SLC35F1: variants seen among roughly 807,000 people sequenced by gnomAD.
SLC35F1 encodes the protein solute carrier family 35 member F1, also known as chromosome 6 open reading frame 169.
Under a neutral mutation model 48.7 loss-of-function variants are expected in SLC35F1, and 14 were observed. The ratio of observed to expected loss-of-function variants is 0.29; its 90% confidence interval spans 0.19 to 0.45. The LOEUF (loss-of-function observed/expected upper bound fraction) is 0.45, where lower values mean the gene tolerates loss of function less well. Ranked by LOEUF, SLC35F1 falls within the 20% of genes least tolerant of loss-of-function variation. The pLI, the probability that SLC35F1 is intolerant of heterozygous loss-of-function variation, is 1.00. For synonymous variants in SLC35F1, 190 were observed against 202.2 expected (o/e 0.94, Z 0.51); for missense variants, 404 against 500.0 (o/e 0.81, Z 1.83).
At chr6:118,175,240 A>G (rs1351346613) in intron 2 of SLC35F1, among the ~76,000 whole-genome samples, 1 of 152,162 alleles carries the variant, frequency 6.6e-6, no homozygotes, top group African/African-American at 2.4e-5. Flanking sequence ...TCCACTTCCT[A>G]CAGACTCAAA....
chr6:118,169,976 G>A (rs1290760304), intron 2 of SLC35F1, among the ~76,000 whole-genome samples: 2 of 152,186 alleles, frequency 1.3e-5, no homozygotes, highest in South Asian at 2.1e-4. Context: ...GGAGGCCAAA[G>A]ATGTACTATG....
At chr6:117,996,662 A>G (rs923132451) in intron 1 of SLC35F1, among the ~76,000 whole-genome samples, 1 of 152,222 alleles carries the variant, frequency 6.6e-6, no homozygotes, top group Non-Finnish European at 1.5e-5. Context: ...GCTGATACCC[A>G]GGCACACAGG....
chr6:117,942,156 T>C (rs1291962201), intron 1 of SLC35F1, among the ~76,000 whole-genome samples: 2 of 152,160 alleles, frequency 1.3e-5, no homozygotes, highest in Non-Finnish European at 2.9e-5. Flanking sequence ...AGAACCTCAG[T>C]CACTTGTTTA....
At chr6:118,239,577 T>G (rs190843138) in intron 3 of SLC35F1, among the ~76,000 whole-genome samples, 19 of 152,074 alleles carry the variant, frequency 1.2e-4, no homozygotes, top group African/African-American at 4.6e-4. Flanking sequence ...TTTTTTTAAG[T>G]ATGTTTTGCC....
At chr6:118,036,534 T>C (rs150423317) in intron 1 of SLC35F1, among the ~76,000 whole-genome samples, 4 of 152,178 alleles carry the variant, frequency 2.6e-5, no homozygotes, top group Non-Finnish European at 4.4e-5. Flanking sequence ...TGGTTGATAG[T>C]GTTCTTCAGA....
intron 1 of SLC35F1, among the ~76,000 whole-genome samples, chr6:117,948,290 G>A (rs1776319918): frequency 6.6e-6 from 1 of 152,026 alleles, no homozygotes; most frequent in African/African-American, 2.4e-5. Context: ...AATTTCTTTG[G>A]ATTTGAACTG....
intron 1 of SLC35F1, among the ~76,000 whole-genome samples, chr6:118,134,055 A>G (rs1773756761): frequency 6.6e-6 from 1 of 152,254 alleles, no homozygotes; most frequent in Non-Finnish European, 1.5e-5. Context: ...TTCCCTAGAA[A>G]TTGAAACACA....
At chr6:117,913,127 C>T (rs575430727) in intron 1 of SLC35F1, among the ~76,000 whole-genome samples, 2 of 152,308 alleles carry the variant, frequency 1.3e-5, no homozygotes, top group Admixed American at 6.5e-5. Context: ...TTTAGTTTAG[C>T]TTGCTTGTTC....
intron 3 of SLC35F1, among the ~76,000 whole-genome samples, chr6:118,255,363 A>G (rs1775628679): frequency 6.6e-6 from 1 of 152,208 alleles, no homozygotes; most frequent in Non-Finnish European, 1.5e-5. Context: ...TACTTTTAGA[A>G]TCTGGTTCAC....
At chr6:118,093,432 T>C (rs562040534) in intron 1 of SLC35F1, among the ~76,000 whole-genome samples, 3 of 152,290 alleles carry the variant, frequency 2.0e-5, no homozygotes, top group East Asian at 1.9e-4. Flanking sequence ...ATAATTCCCA[T>C]GTATCTTGGG....
In SLC35F1 at chr6:118,108,866, AT is replaced by A. The variant is rs77330166; in HGVS notation, c.174-45577del. Reference sequence around the variant, plus strand: ...TATGTTATTTTCTCACACTGGGAAAATTAAACTTCTCATAAAATTAAATTGC... The same window carrying A: ...TATGTTATTTTCTCACACTGGGAAAATAAACTTCTCATAAAATTAAATTGC... On this transcript the variant is annotated intron_variant, in intron 1 of 7. Transcript: ENST00000360388. 8.6e-3 allele frequency among the ~76,000 whole-genome samples: 1,305 copies of A among 152,308 alleles called. 11 individuals carry two copies. Among genetic ancestry groups the A allele is most frequent in the East Asian group, 0.037 (190 of 5,192 alleles).
intron 2 of SLC35F1, among the ~76,000 whole-genome samples, chr6:118,161,137 A>C (rs576597519): frequency 2.6e-5 from 4 of 152,286 alleles, no homozygotes; most frequent in African/African-American, 7.2e-5. Context: ...TCAGATAGCC[A>C]CAACAAAGGC....
At chr6:118,066,145 A>C (rs1290541394) in intron 1 of SLC35F1, among the ~76,000 whole-genome samples, 1 of 152,240 alleles carries the variant, frequency 6.6e-6, no homozygotes, top group Non-Finnish European at 1.5e-5. Context: ...CAAATAATAC[A>C]TATTATTTAA....
intron 2 of SLC35F1, among the ~76,000 whole-genome samples, chr6:118,198,741 G>T (rs1286504560): frequency 2.0e-5 from 3 of 152,102 alleles, no homozygotes. Context: ...ATATGTATGT[G>T]TATGTATGTT....
intron 1 of SLC35F1, among the ~76,000 whole-genome samples, chr6:117,922,194 G>A (rs571523349): frequency 1.3e-5 from 2 of 152,242 alleles, no homozygotes; most frequent in African/African-American, 4.8e-5. Flanking sequence ...AGTTAGTGGT[G>A]TGCTTATGGT....
At chr6:118,235,201 C>A (rs1483326430) in intron 2 of SLC35F1, among the ~76,000 whole-genome samples, 1 of 152,104 alleles carries the variant, frequency 6.6e-6, no homozygotes, top group East Asian at 1.9e-4. Context: ...CCTTTCCTTT[C>A]ATTTTCATAT....
intron 7 of SLC35F1, among the ~76,000 whole-genome samples, chr6:118,287,147 AT>A (rs1259344273): frequency 6.6e-5 from 10 of 152,170 alleles, no homozygotes; most frequent in Non-Finnish European, 1.5e-4. Flanking sequence ...ATCACAATAT[AT>A]TCCTCTCGTG....
intron 1 of SLC35F1, among the ~76,000 whole-genome samples, chr6:118,049,711 A>C (rs2114908851): frequency 6.6e-6 from 1 of 152,086 alleles, no homozygotes; most frequent in African/African-American, 2.4e-5. Flanking sequence ...AAAGTCAGGA[A>C]ACAACAGGTG....
At chr6:117,927,737 A>G (rs767437121) in intron 1 of SLC35F1, among the ~76,000 whole-genome samples, 17 of 152,280 alleles carry the variant, frequency 1.1e-4, no homozygotes, top group Non-Finnish European at 1.8e-4. Flanking sequence ...ATGAAAGGTG[A>G]TGGGATGGAT....
Sources: allele counts gnomAD v4.1 joint callset (sites outside exome capture counted in the v4.1 genomes callset), GRCh38; gene constraint gnomAD v4.1.1; transcripts MANE v1.5; gene names NCBI Gene and HGNC (gene_info 2026-07-23, HGNC 2026-07-21).